The following USP34 variants were observed in gnomAD, a reference collection of about 807,000 sequenced individuals.
USP34 encodes the protein ubiquitin specific peptidase 34.
In USP34, 70 loss-of-function variants were observed where a neutral mutation model predicts 460.3. The ratio of observed to expected loss-of-function variants is 0.15; its 90% CI spans 0.13 to 0.19. The LOEUF (loss-of-function observed/expected upper bound fraction) is 0.19. Ranked by LOEUF, USP34 falls within the 10% of genes least tolerant of loss-of-function variation. The pLI is 1.00. For missense variants in USP34, 3,985 were observed against 4,236.2 expected (o/e 0.94, Z 1.65); for synonymous variants, 1,647 against 1,405.3 (o/e 1.17, Z -3.85).
intron 61 of USP34, among the ~76,000 whole-genome samples, chr2:61,228,361 A>C (rs1242231663): frequency 6.6e-6 from 1 of 152,192 alleles, no homozygotes; most frequent in South Asian, 2.1e-4. Context: ...TCACAAAAAC[A>C]ATTCACTATT....
At chr2:61,238,943 A>G (rs1346970938) in intron 53 of USP34, among the ~76,000 whole-genome samples, 4 of 151,626 alleles carry the variant, frequency 2.6e-5, no homozygotes, top group African/African-American at 9.7e-5. Context: ...GTAATTCCTG[A>G]AATATTTCAA....
At position 61,204,621 on chromosome 2, in the gene USP34, T is replaced by C. The variant is rs936845620; in HGVS notation, c.9155-20A>G. ...GGACATCTGAAAATAAAAACAAAGT[T>C]TGGGTAGCAAAAAATTAAGAGTTAT... is the stretch of plus-strand genomic sequence containing the variant. On this transcript the variant is annotated intron_variant, in intron 72 of 79. Coordinates refer to ENST00000398571, the MANE Select transcript of USP34 (RefSeq NM_014709.4). 2.5e-6 allele frequency: 4 copies of C among 1,598,252 alleles called. No individual in the cohort carries two copies. In the Admixed American group the frequency reaches 5.1e-5, roughly 20 times the overall value.
At chr2:61,312,618 C>G (rs1057366817) in intron 25 of USP34, among the ~76,000 whole-genome samples, 1 of 151,970 alleles carries the variant, frequency 6.6e-6, no homozygotes, top group African/African-American at 2.4e-5. Flanking sequence ...AATGTATGAG[C>G]AAAAGAGTAA....
chr2:61,237,584 T>TA (rs1688106168), intron 53 of USP34, among the ~76,000 whole-genome samples: 3 of 118,876 alleles, frequency 2.5e-5, no homozygotes, highest in Admixed American at 1.9e-4. Context: ...TTTTTTTTTT[T>TA]AAAGACAGGG....
At chr2:61,406,183 T>C in intron 2 of USP34, 55 bp from the exon 3 acceptor site, 2 of 1,370,700 alleles carry the variant, frequency 1.5e-6, no homozygotes, top group Admixed American at 3.1e-5. Context: ...CTGTATTTTT[T>C]AATAATATAA....
intron 34 of USP34, 135 bp from the exon 35 acceptor site, chr2:61,285,092 T>A: frequency 1.6e-6 from 1 of 612,478 alleles, no homozygotes; most frequent in South Asian, 2.4e-5. Context: ...TTTTGATATT[T>A]ATCTATAACA....
chr2:61,403,860 G>A (rs948748575), intron 3 of USP34, among the ~76,000 whole-genome samples: 1 of 151,818 alleles, frequency 6.6e-6, no homozygotes, highest in Non-Finnish European at 1.5e-5. Context: ...GGGCATGGTG[G>A]CGGGCACCTG....
At chr2:61,452,918 AAAAAAAAAAC>A (rs1471185189) in intron 1 of USP34, among the ~76,000 whole-genome samples, 2 of 111,324 alleles carry the variant, frequency 1.8e-5, no homozygotes, top group Non-Finnish European at 3.9e-5. Flanking sequence ...AAAAAAAAAA[AAAAAAAAAAC>A]ACCCACAACT....
At chr2:61,350,167 A>G in intron 12 of USP34, 93 bp downstream of exon 12, 1 of 1,339,130 alleles carries the variant, frequency 7.5e-7, no homozygotes, top group Non-Finnish European at 1.0e-6. Flanking sequence ...TTATTTTAAA[A>G]TAAAGATTGA....
chr2:61,207,661 C>T (rs1440770145), intron 70 of USP34: 1 of 152,124 alleles, frequency 6.6e-6, no homozygotes, highest in African/African-American at 2.4e-5. Context: ...ATTTAAACAT[C>T]TGTTGCATTA....
At chr2:61,380,114 T>C (rs1692927237) in intron 7 of USP34, 55 bp downstream of exon 7, 3 of 1,525,894 alleles carry the variant, frequency 2.0e-6, no homozygotes, top group Non-Finnish European at 2.7e-6. Context: ...GGTAGTATTA[T>C]GATAGACCAG....
At chr2:61,203,985 TTATAA>T (rs1290359553) in intron 74 of USP34, among the ~76,000 whole-genome samples, 1 of 151,764 alleles carries the variant, frequency 6.6e-6, no homozygotes, top group Non-Finnish European at 1.5e-5. Context: ...TATGACCCAG[TTATAA>T]TTTAGCCTAG....
chr2:61,407,265 G>A (rs893342851), intron 2 of USP34, among the ~76,000 whole-genome samples: 5 of 152,152 alleles, frequency 3.3e-5, no homozygotes, highest in African/African-American at 9.7e-5. Flanking sequence ...CGTGGCTTGT[G>A]CCTGTAGTCC....
Position 61,349,289 on chromosome 2 carries a change from A to G in USP34, c.1508-4T>C. ...GTTCTTCTAAGCTCTTCTTCCTCTGAAGGAAAAGGAAAAAACAGGAGAAAA... is the reference window on the plus strand; with the variant it reads ...GTTCTTCTAAGCTCTTCTTCCTCTGGAGGAAAAGGAAAAAACAGGAGAAAA... On this transcript the variant is annotated splice_region_variant and splice_polypyrimidine_tract_variant and intron_variant, in intron 12 of 79. Transcript: ENST00000398571. The G allele has an allele frequency of 6.2e-7, 1 of 1,612,954 alleles. No individual in the cohort carries two copies. Among genetic ancestry groups the G allele is most frequent in the South Asian group, 1.1e-5 (1 of 90,858 alleles).
At chr2:61,444,921 C>CAAAA (rs34855063) in intron 1 of USP34, among the ~76,000 whole-genome samples, 2 of 137,964 alleles carry the variant, frequency 1.4e-5, no homozygotes, top group Non-Finnish European at 1.6e-5. Flanking sequence ...TCCTTAACAC[C>CAAAA]AAAAAAAAAA....
At chr2:61,318,063 T>C (rs1201633571) in intron 22 of USP34, among the ~76,000 whole-genome samples, 1 of 151,606 alleles carries the variant, frequency 6.6e-6, no homozygotes, top group Non-Finnish European at 1.5e-5. Flanking sequence ...CATGGTGGTG[T>C]GTGGCTGTAG....
intron 27 of USP34, among the ~76,000 whole-genome samples, chr2:61,302,535 T>G (rs1690261630): frequency 6.6e-6 from 1 of 152,242 alleles, no homozygotes; most frequent in Non-Finnish European, 1.5e-5. Context: ...CAAAATGGTT[T>G]GACAAACGTT....
At chr2:61,379,962 C>T (rs954025816) in intron 7 of USP34, among the ~76,000 whole-genome samples, 3 of 151,976 alleles carry the variant, frequency 2.0e-5, no homozygotes, top group Non-Finnish European at 2.9e-5. Flanking sequence ...TCAAATGGAC[C>T]CACAGTATAA....
chr2:61,222,230 G>T (rs957963235), intron 65 of USP34, among the ~76,000 whole-genome samples: 1 of 152,168 alleles, frequency 6.6e-6, no homozygotes, highest in Non-Finnish European at 1.5e-5. Flanking sequence ...AATAGCTATA[G>T]CATTTCCATT....
Sources: gnomAD v4.1 joint callset for allele counts (sites outside exome capture counted in the v4.1 genomes callset) on GRCh38, gnomAD v4.1.1 for gene constraint, MANE v1.5 for transcripts, NCBI Gene and HGNC (gene_info 2026-07-23, HGNC 2026-07-21) for gene names.